The following PACS1 variants were observed in gnomAD, a reference collection of about 807,000 sequenced individuals.
The protein encoded by PACS1 is PACS-1.
In PACS1, 24 loss-of-function variants were observed where a neutral mutation model predicts 115.0. That is an observed-to-expected ratio of 0.21 (90% confidence interval 0.15 to 0.29). The LOEUF (loss-of-function observed/expected upper bound fraction) is 0.29. Ranked by LOEUF, PACS1 falls within the 10% of genes least tolerant of loss-of-function variation. The probability of loss-of-function intolerance (pLI) is 1.00; values close to 1 mark genes in which losing one functional copy is unlikely to be tolerated. For synonymous variants in PACS1, 453 were observed against 504.5 expected, an observed-to-expected ratio of 0.90 and a Z score of 1.37; for missense variants, 838 against 1,251.2, an observed-to-expected ratio of 0.67 and a Z score of 4.98.
rs746105776 is a variant in PACS1 at position 66,234,250 on chromosome 11, C to A, written c.2104+8C>A. Reference sequence around the variant, plus strand: ...CGGAGCCACCAGTGTCAGGTAATGGCCCCGTGTAAGGAGCTTACTCCCACC... The same window carrying A: ...CGGAGCCACCAGTGTCAGGTAATGGACCCGTGTAAGGAGCTTACTCCCACC... On this transcript the variant is annotated splice_region_variant and intron_variant, in intron 17 of 23. Coordinates refer to ENST00000320580, the MANE Select transcript of PACS1 (RefSeq NM_018026.4). 10 of 1,595,404 alleles carry A rather than the reference C, an allele frequency of 6.3e-6. No homozygotes were observed. The highest frequency in any genetic ancestry group is 8.6e-6 in the Non-Finnish European group (10 of 1,162,914).
At chr11:66,107,614 A>G (rs1005806877) in intron 1 of PACS1, among the ~76,000 whole-genome samples, 4 of 151,970 alleles carry the variant, frequency 2.6e-5, no homozygotes, top group African/African-American at 9.7e-5. Context: ...ACTGAGTTTC[A>G]CCCTCTGCTT....
At chr11:66,228,197 A>C (rs1012826030) in intron 11 of PACS1, among the ~76,000 whole-genome samples, 16 of 151,906 alleles carry the variant, frequency 1.1e-4, no homozygotes, top group Non-Finnish European at 2.2e-4. Context: ...GAGAAGCGAC[A>C]TCTGAGCTGG....
intron 1 of PACS1, among the ~76,000 whole-genome samples, chr11:66,124,677 G>A (rs1453096703): frequency 1.3e-5 from 2 of 152,132 alleles, no homozygotes; most frequent in African/African-American, 4.8e-5. Flanking sequence ...TTTCATTACT[G>A]CATAAGTCTC....
chr11:66,231,326 C>T (rs1015732026), intron 13 of PACS1, among the ~76,000 whole-genome samples: 19 of 152,358 alleles, frequency 1.2e-4, no homozygotes, highest in African/African-American at 3.4e-4. Context: ...CATCCTGACC[C>T]GAGCTCCCAA....
In PACS1 at chr11:66,193,639, G is replaced by A. The variant is rs1460068298; in HGVS notation, c.444+66G>A. The A allele has an allele frequency of 8.8e-6, 10 of 1,133,712 alleles. No homozygotes were observed. In the East Asian group the frequency reaches 9.6e-5, roughly 11 times the overall value. 70.2% of individuals were successfully genotyped at this position (1,133,712 alleles called of 1,614,324 possible). A position where few individuals can be genotyped will look rare whatever the true frequency, so the allele number is the denominator to read the frequency against. ...TGGATAACCATTTGCCCACTGCTGC[G>A]GCTTCAGAAACACTACTGGGACCAC... On this transcript the variant is annotated intron_variant, in intron 2 of 23. Coordinates refer to ENST00000320580, the MANE Select transcript of PACS1 (RefSeq NM_018026.4).
chr11:66,241,130 AT>A, intron 21 of PACS1: 2 of 367,282 alleles, frequency 5.4e-6, no homozygotes, highest in South Asian at 6.3e-5. Flanking sequence ...GCATGCACTT[AT>A]GTACACACAC....
intron 1 of PACS1, among the ~76,000 whole-genome samples, chr11:66,188,087 T>C (rs1397533689): frequency 2.0e-5 from 3 of 151,968 alleles, no homozygotes; most frequent in Admixed American, 2.0e-4. Flanking sequence ...TTTTTTTATA[T>C]GTTCGTTGGC....
At position 66,234,894 on chromosome 11, in the gene PACS1, A is replaced by T. The variant is rs548509428; in HGVS notation, c.2105-407A>T. 2.6e-3 allele frequency among the ~76,000 whole-genome samples: 402 copies of T among 152,164 alleles called. 3 individuals carry two copies. The highest frequency in any genetic ancestry group is 4.8e-3 in the Non-Finnish European group (325 of 67,998). ...CTCAAAAGTAAAATAAAATAAAAAT[A>T]AAAAAATAAAGGTGGCAGGGATCAG... On this transcript the variant is annotated intron_variant, in intron 17 of 23. Coordinates refer to ENST00000320580, the MANE Select transcript of PACS1 (RefSeq NM_018026.4).
intron 4 of PACS1, among the ~76,000 whole-genome samples, chr11:66,214,739 AG>A (rs1189648843): frequency 2.0e-5 from 3 of 148,648 alleles, no homozygotes; most frequent in African/African-American, 7.5e-5. Context: ...CTCCCACCTC[AG>A]CCTCCTGAGT....
chr11:66,186,890 A>G (rs1328327090), intron 1 of PACS1, among the ~76,000 whole-genome samples: 7 of 152,182 alleles, frequency 4.6e-5, no homozygotes, highest in Non-Finnish European at 1.5e-5. Flanking sequence ...GGGCTCCCTC[A>G]TATCCCTTCC....
intron 7 of PACS1, chr11:66,217,134 C>T (rs2134712258): frequency 6.1e-6 from 2 of 328,688 alleles, no homozygotes; most frequent in South Asian, 3.2e-5. Flanking sequence ...AAAGCCAGCT[C>T]CCTCTAGGAG....
chr11:66,082,053 A>C (rs1857489282), intron 1 of PACS1, among the ~76,000 whole-genome samples: 1 of 152,208 alleles, frequency 6.6e-6, no homozygotes, highest in South Asian at 2.1e-4. Flanking sequence ...TTGGAAATCT[A>C]CAATTATATT....
At chr11:66,195,733 T>C (rs769536320) in intron 2 of PACS1, among the ~76,000 whole-genome samples, 1 of 152,180 alleles carries the variant, frequency 6.6e-6, no homozygotes, top group Non-Finnish European at 1.5e-5. Flanking sequence ...ATATAATAAA[T>C]ACTTATTGAG....
rs1363721825 is a variant in PACS1, at chr11:66,241,142, ACTTT to A, written c.2430-281_2430-278del. 7.5e-6 allele frequency: 3 copies of A among 399,692 alleles called. No individual in the cohort carries two copies. The Admixed American group carries it at 1.2e-4, about 15-fold the overall frequency. The allele number at this position is 399,692 out of a possible 1,614,324, so 24.8% of individuals were successfully genotyped here. ...CACGCATGCACTTATGTACACACAC[ACTTT>A]CTTCCTTCATAAAGCTTCCTTCTCT... On this transcript the variant is annotated intron_variant, in intron 21 of 23. Coordinates refer to ENST00000320580, the MANE Select transcript of PACS1 (RefSeq NM_018026.4).
intron 2 of PACS1, among the ~76,000 whole-genome samples, chr11:66,200,499 T>C (rs900601915): frequency 2.0e-5 from 3 of 150,986 alleles, no homozygotes; most frequent in Admixed American, 2.0e-4. Flanking sequence ...AGAGTAGGAA[T>C]AGCTATACTT....
chr11:66,235,913 C>A lies in PACS1; in HGVS notation c.2223C>A (p.Ser741=). Residue 741 remains serine (S), a synonymous_variant, in exon 19 of 24, where the codon TCC becomes TCA. Transcript: ENST00000320580. The surrounding 1 kb of genome is among the most constrained non-coding windows in gnomAD (Gnocchi z 5.6). ...TCRHKFPDED[S]YQKFIPFIGV... ...CTCCCAACAGCCCTGATGAAGACTC[C>A]TATCAGAAGTTTATTCCCTTCATTG... 6.2e-7 allele frequency: 1 copy of A among 1,613,958 alleles called. No individual in the cohort carries two copies. The highest frequency in any genetic ancestry group is 1.3e-5 in the African/African-American group (1 of 75,022).
At chr11:66,227,877 G>C (rs759951295) in intron 11 of PACS1, among the ~76,000 whole-genome samples, 1 of 152,106 alleles carries the variant, frequency 6.6e-6, no homozygotes, top group Admixed American at 6.5e-5. Context: ...TGTCACCAGC[G>C]TTCTCCCTGG....
intron 1 of PACS1, among the ~76,000 whole-genome samples, chr11:66,121,628 C>A (rs78666304): frequency 0.02 from 3,018 of 152,244 alleles, 121 homozygotes; most frequent in African/African-American, 0.069. Flanking sequence ...CTCCGGAATG[C>A]TAAGAAAGCA....
chr11:66,118,122 A>G (rs543799460), intron 1 of PACS1, among the ~76,000 whole-genome samples: 1 of 152,394 alleles, frequency 6.6e-6, no homozygotes, highest in South Asian at 2.1e-4. Context: ...ACAAGTAATC[A>G]GATGCCTGGC....
Sources: gnomAD v4.1 joint callset for allele counts (sites outside exome capture counted in the v4.1 genomes callset) on GRCh38, gnomAD v4.1.1 for gene constraint, Gnocchi (gnomAD v3.1) non-coding constraint, MANE v1.5 for transcripts, NCBI Gene and HGNC (gene_info 2026-07-23, HGNC 2026-07-21) for gene names.